BCAS1: variants seen among roughly 807,000 people sequenced by gnomAD.
The protein encoded by BCAS1 is brain enriched myelin associated protein 1.
In BCAS1, 46 loss-of-function variants were observed where a neutral mutation model predicts 65.4. The ratio of observed to expected loss-of-function variants is 0.70; its 90% confidence interval spans 0.55 to 0.90. The LOEUF is 0.90. Ranked by LOEUF, BCAS1 falls within the 40% of genes least tolerant of loss-of-function variation. BCAS1 has a pLI of 0.00. For synonymous variants in BCAS1, 298 were observed against 293.5 expected (o/e 1.02, Z -0.16); for missense variants, 793 against 771.2 (o/e 1.03, Z -0.33).
intron 8 of BCAS1, among the ~76,000 whole-genome samples, chr20:53,977,863 C>A (rs1036245712): frequency 6.6e-6 from 1 of 152,020 alleles, no homozygotes; most frequent in Non-Finnish European, 1.5e-5. Flanking sequence ...ATTTTCATAC[C>A]ATGTTCTAAT....
rs968118025 is a variant in BCAS1 at position 53,943,964 on chromosome 20, T to A, written c.*958A>T. 2 of 151,538 alleles carry A rather than the reference T, an allele frequency of 1.3e-5. No homozygotes were observed. Among genetic ancestry groups the A allele is most frequent in the African/African-American group, 4.9e-5 (2 of 41,122 alleles). 9.4% of individuals were successfully genotyped at this position (151,538 alleles called of 1,614,324 possible). A position where few individuals can be genotyped will look rare whatever the true frequency, so the allele number is the denominator to read the frequency against. ...CGTGCAACTTCCTTTATTTTTTATT[T>A]ATTTTTTTTTTTTAAGTTGTAATCT... On this transcript the variant is annotated 3_prime_UTR_variant, in exon 13 of 13. Coordinates refer to ENST00000688948, the MANE Select transcript of BCAS1 (RefSeq NM_001366298.2).
intron 4 of BCAS1, among the ~76,000 whole-genome samples, chr20:54,009,945 T>C (rs1022791625): frequency 1.3e-5 from 2 of 152,170 alleles, no homozygotes; most frequent in African/African-American, 2.4e-5. Flanking sequence ...ATTGATGTTA[T>C]CCACAATAGT....
intron 8 of BCAS1, among the ~76,000 whole-genome samples, chr20:53,976,603 C>A (rs1162453101): frequency 1.3e-5 from 2 of 152,204 alleles, no homozygotes; most frequent in Non-Finnish European, 2.9e-5. Flanking sequence ...GGTGAAGCCA[C>A]TTGTTCCAGT....
At chr20:53,987,654 A>T (rs955707150) in intron 7 of BCAS1, among the ~76,000 whole-genome samples, 4 of 152,222 alleles carry the variant, frequency 2.6e-5, no homozygotes, top group Non-Finnish European at 5.9e-5. Flanking sequence ...AAATAATTCC[A>T]CAAATAAATG....
At chr20:53,988,342 C>A (rs982242295) in intron 7 of BCAS1, among the ~76,000 whole-genome samples, 2 of 152,178 alleles carry the variant, frequency 1.3e-5, no homozygotes, top group Non-Finnish European at 2.9e-5. Flanking sequence ...TCAGCCACCA[C>A]CCTTTCTCTC....
At chr20:54,053,254 T>C (rs374841992) in intron 3 of BCAS1, among the ~76,000 whole-genome samples, 2 of 152,246 alleles carry the variant, frequency 1.3e-5, no homozygotes, top group Admixed American at 6.5e-5. Context: ...TGAATAATAA[T>C]ACCAAACTTT....
chr20:53,944,797 C>T lies in BCAS1; in HGVS notation c.*125G>A. On this transcript the variant is annotated 3_prime_UTR_variant, in exon 13 of 13. Coordinates refer to ENST00000688948, the MANE Select transcript of BCAS1 (RefSeq NM_001366298.2). ...ATATACAACAGCTCGGGCTTAATTT[C>T]TAGGCAGAATTTCATTTGCTGGCCA... 1.1e-6 allele frequency: 1 copy of T among 941,570 alleles called. No individual in the cohort carries two copies. The allele number at this position is 941,570 out of a possible 1,614,324, so 58.3% of individuals were successfully genotyped here. A position where few individuals can be genotyped will look rare whatever the true frequency, so the allele number is the denominator to read the frequency against.
intron 4 of BCAS1, among the ~76,000 whole-genome samples, chr20:54,008,432 T>A (rs1407385567): frequency 2.6e-5 from 4 of 151,904 alleles, no homozygotes; most frequent in Admixed American, 6.6e-5. Flanking sequence ...CGTCAGCCAG[T>A]GGTAATGAGA....
intron 1 of BCAS1, among the ~76,000 whole-genome samples, chr20:54,061,931 T>C (rs2092381278): frequency 6.6e-6 from 1 of 150,756 alleles, no homozygotes; most frequent in South Asian, 2.1e-4. Flanking sequence ...AGTAGGCCAG[T>C]GAGCTAAAAA....
At chr20:54,015,898 G>A (rs958237969) in intron 4 of BCAS1, among the ~76,000 whole-genome samples, 13 of 152,172 alleles carry the variant, frequency 8.5e-5, no homozygotes, top group Non-Finnish European at 1.6e-4. Context: ...GTTCACTACA[G>A]TGCTCCTTTT....
In BCAS1 at chr20:54,002,039, GT is replaced by G. The variant is rs770516511; in HGVS notation, c.724-5990del. ...TGTGTAAATGCCTTTCTGGTGGTTG[GT>G]TTTTTTTTTTTCCCCCTTCAGTCTT... is the stretch of plus-strand genomic sequence containing the variant. On this transcript the variant is annotated intron_variant, in intron 4 of 12. Coordinates refer to ENST00000688948, the MANE Select transcript of BCAS1 (RefSeq NM_001366298.2). Among the ~76,000 whole-genome samples, 272 of 145,420 alleles carry G rather than the reference GT, an allele frequency of 1.9e-3. 1 individual carries two copies. The highest frequency in any genetic ancestry group is 4.8e-3 in the Admixed American group (70 of 14,644).
At chr20:53,973,980 G>A (rs1050954407) in intron 9 of BCAS1, among the ~76,000 whole-genome samples, 5 of 152,110 alleles carry the variant, frequency 3.3e-5, no homozygotes, top group Admixed American at 2.6e-4. Flanking sequence ...AGTGCTCTGT[G>A]TCTAGCTAAA....
At chr20:54,005,389 G>A (rs556819498) in intron 4 of BCAS1, among the ~76,000 whole-genome samples, 40 of 152,178 alleles carry the variant, frequency 2.6e-4, no homozygotes, top group Admixed American at 7.9e-4. Flanking sequence ...TTGGGAGGCT[G>A]AGGCAGGAGA....
chr20:54,069,114 G>C (rs980659111), intron 1 of BCAS1, among the ~76,000 whole-genome samples: 1 of 152,162 alleles, frequency 6.6e-6, no homozygotes, highest in East Asian at 1.9e-4. Flanking sequence ...AGCATGCCCC[G>C]CCCCGTCTGT....
rs910797621 is a variant in BCAS1, at chr20:54,051,337, G to A, written c.142+6748C>T. ...TCTCTGTACGCAACAGGAGGGTGAT[G>A]TGCTCAACTGTGAAGTGTGGTCCTA... On this transcript the variant is annotated intron_variant, in intron 3 of 12. Transcript: ENST00000688948. Among the ~76,000 whole-genome samples the A allele has an allele frequency of 2.8e-4, 43 of 152,320 alleles. 1 individual carries two copies. The highest frequency in any genetic ancestry group is 8.7e-4 in the African/African-American group (36 of 41,566).
At chr20:53,978,643 C>G (rs1044404338) in intron 8 of BCAS1, among the ~76,000 whole-genome samples, 4 of 152,184 alleles carry the variant, frequency 2.6e-5, no homozygotes, top group African/African-American at 9.7e-5. Flanking sequence ...AAGAGTCACT[C>G]TAAATAATTT....
chr20:54,067,407 A>G (rs935994232), intron 1 of BCAS1, among the ~76,000 whole-genome samples: 1 of 152,232 alleles, frequency 6.6e-6, no homozygotes, highest in African/African-American at 2.4e-5. Flanking sequence ...TAAAGTGAGG[A>G]TTGAACAATT....
chr20:54,046,936 AG>A (rs1489759641), intron 3 of BCAS1, among the ~76,000 whole-genome samples: 2 of 152,092 alleles, frequency 1.3e-5, no homozygotes, highest in African/African-American at 4.8e-5. Flanking sequence ...GTGCCTTGAA[AG>A]GATGAAGATG....
At chr20:53,985,135 TAGA>T in intron 8 of BCAS1, 149 bp downstream of exon 8, 1 of 695,634 alleles carries the variant, frequency 1.4e-6, no homozygotes, top group Non-Finnish European at 2.4e-6. Flanking sequence ...AGGAACACAT[TAGA>T]AGGCTTCTAC....
Sources: allele counts gnomAD v4.1 joint callset (sites outside exome capture counted in the v4.1 genomes callset), GRCh38; gene constraint gnomAD v4.1.1; transcripts MANE v1.5; gene names NCBI Gene and HGNC (gene_info 2026-07-23, HGNC 2026-07-21).